The following FPR3 variants were observed in gnomAD, a reference collection of about 807,000 sequenced individuals.
FPR3 encodes N-formyl peptide receptor 3.
For missense variants in FPR3, 346 were observed against 443.2 expected (o/e 0.78, Z 1.97); for synonymous variants, 135 against 163.6 (o/e 0.83, Z 1.34).
chr19:51,818,249 T>C (rs79807415), intron 1 of FPR3, among the ~76,000 whole-genome samples: 4,331 of 152,312 alleles, frequency 0.028, 163 homozygotes, highest in African/African-American at 0.087. Flanking sequence ...TTTATTCTGA[T>C]TAAATGTTCC....
At chr19:51,797,501 T>C (rs547010253) in intron 1 of FPR3, among the ~76,000 whole-genome samples, 1 of 152,184 alleles carries the variant, frequency 6.6e-6, no homozygotes, top group South Asian at 2.1e-4. Context: ...AAAATGATCT[T>C]TTATCCCTCA....
At chr19:51,808,644 T>C (rs550414132) in intron 1 of FPR3, among the ~76,000 whole-genome samples, 2 of 152,144 alleles carry the variant, frequency 1.3e-5, no homozygotes, top group Non-Finnish European at 2.9e-5. Context: ...ATCCTTCTCG[T>C]GTAAGGGTGT....
intron 1 of FPR3, among the ~76,000 whole-genome samples, chr19:51,815,596 G>T (rs1048440124): frequency 4.6e-5 from 7 of 151,042 alleles, no homozygotes; most frequent in Admixed American, 1.3e-4. Flanking sequence ...CACCAGGCAC[G>T]GTGGCTCACA....
At chr19:51,818,299 A>AT (rs2084158961) in intron 1 of FPR3, among the ~76,000 whole-genome samples, 1 of 152,220 alleles carries the variant, frequency 6.6e-6, no homozygotes, top group African/African-American at 2.4e-5. Flanking sequence ...AAGAAAATAT[A>AT]TTATTGGTGT....
intron 1 of FPR3, among the ~76,000 whole-genome samples, chr19:51,819,555 C>T (rs2084172573): frequency 1.3e-5 from 2 of 152,062 alleles, no homozygotes; most frequent in African/African-American, 4.8e-5. Context: ...GTCACTGGAA[C>T]ATCAGGATAA....
chr19:51,817,931 A>G (rs548430213), intron 1 of FPR3: 4 of 152,242 alleles, frequency 2.6e-5, no homozygotes, highest in South Asian at 2.1e-4. Flanking sequence ...GCGATGAAGT[A>G]TCTACTTGCC....
intron 1 of FPR3, among the ~76,000 whole-genome samples, chr19:51,805,720 A>C (rs2084054266): frequency 6.6e-6 from 1 of 152,184 alleles, no homozygotes; most frequent in Non-Finnish European, 1.5e-5. Context: ...TTCTCTACGT[A>C]CTGAGCCGTT....
chr19:51,813,174 T>C (rs2084110393), intron 1 of FPR3, among the ~76,000 whole-genome samples: 2 of 150,466 alleles, frequency 1.3e-5, no homozygotes, highest in African/African-American at 2.4e-5. Flanking sequence ...CATAAATTTA[T>C]TGATCACAGT....
intron 1 of FPR3, among the ~76,000 whole-genome samples, chr19:51,798,792 A>G (rs2084013720): frequency 6.6e-6 from 1 of 152,212 alleles, no homozygotes; most frequent in Non-Finnish European, 1.5e-5. Flanking sequence ...ATTCTTAAAG[A>G]GGCTAAATAG....
chr19:51,796,176 T>A (rs2083997628), intron 1 of FPR3, among the ~76,000 whole-genome samples: 1 of 152,184 alleles, frequency 6.6e-6, no homozygotes, highest in Admixed American at 6.5e-5. Context: ...ATATTCAGGA[T>A]GAGCCAGGTG....
At chr19:51,816,758 C>T (rs2084140195) in intron 1 of FPR3, among the ~76,000 whole-genome samples, 1 of 152,064 alleles carries the variant, frequency 6.6e-6, no homozygotes, top group South Asian at 2.1e-4. Context: ...TTAACTTGTG[C>T]GATCTGATGC....
At chr19:51,796,440 C>T (rs1014318689) in intron 1 of FPR3, among the ~76,000 whole-genome samples, 7 of 152,192 alleles carry the variant, frequency 4.6e-5, no homozygotes, top group Non-Finnish European at 8.8e-5. Flanking sequence ...TTGCGAATAA[C>T]ATCACCATCT....
intron 1 of FPR3, among the ~76,000 whole-genome samples, chr19:51,821,328 T>C (rs745700280): frequency 3.9e-5 from 6 of 152,152 alleles, no homozygotes; most frequent in Admixed American, 2.6e-4. Context: ...GATGCTCAAC[T>C]GGGGGGAGTT....
chr19:51,795,504 C>CTTTTTTTTTTTTTTT lies in FPR3; in HGVS notation c.-11+188_-11+202dup. ...TTTGGTTACATGTTCCAGTAACATT[C>CTTTTTTTTTTTTTTT]TTTTTTTTTTTTTTTTTTTTTTTTT... On this transcript the variant is annotated intron_variant, in intron 1 of 1. Coordinates refer to ENST00000339223, the MANE Select transcript of FPR3 (RefSeq NM_002030.5). Among the ~76,000 whole-genome samples the CTTTTTTTTTTTTTTT allele has an allele frequency of 5.5e-3, 414 of 74,708 alleles. 63 individuals carry two copies. The highest frequency in any genetic ancestry group is 0.017 in the East Asian group (30 of 1,808). 49.0% of individuals were successfully genotyped at this position (74,708 alleles called of 152,430 possible).
At chr19:51,811,499 C>T (rs1450134999) in intron 1 of FPR3, 4 of 152,258 alleles carry the variant, frequency 2.6e-5, no homozygotes, top group Non-Finnish European at 5.9e-5. Context: ...GCTGACTCAT[C>T]CCAGGGTCCC....
intron 1 of FPR3, 68 bp downstream of exon 1, chr19:51,795,399 C>G (rs933190602): frequency 6.6e-6 from 1 of 150,852 alleles, no homozygotes; most frequent in Non-Finnish European, 1.5e-5. Context: ...GCCCTTCTAA[C>G]TCTGGAGTAG....
intron 1 of FPR3, among the ~76,000 whole-genome samples, chr19:51,799,012 CAGA>C (rs1442450261): frequency 1.3e-5 from 2 of 152,050 alleles, no homozygotes; most frequent in African/African-American, 4.8e-5. Flanking sequence ...GAGGCTGAGG[CAGA>C]AGAATTACTT....
In FPR3 at chr19:51,795,504, C is replaced by CCTTTTTTTTTTT. The variant is rs1568425575; in HGVS notation, c.-11+173_-11+174insCTTTTTTTTTTT. Among the ~76,000 whole-genome samples the CCTTTTTTTTTTT allele has an allele frequency of 2.7e-5, 2 of 74,732 alleles. 1 individual carries two copies. The allele number at this position is 74,732 out of a possible 152,430, so 49.0% of individuals were successfully genotyped here. On this transcript the variant is annotated intron_variant, in intron 1 of 1. Coordinates refer to ENST00000339223, the MANE Select transcript of FPR3 (RefSeq NM_002030.5). ...TTTGGTTACATGTTCCAGTAACATTCTTTTTTTTTTTTTTTTTTTTTTTTT... is the reference window on the plus strand; with the variant it reads ...TTTGGTTACATGTTCCAGTAACATTCCTTTTTTTTTTTTTTTTTTTTTTTTTTTTTTTTTTTT...
intron 1 of FPR3, among the ~76,000 whole-genome samples, 177 bp downstream of exon 1, chr19:51,795,508 T>C (rs888448127): frequency 0.14 from 12,737 of 89,700 alleles, 1,533 homozygotes; most frequent in East Asian, 0.26. Flanking sequence ...AACATTCTTT[T>C]TTTTTTTTTT....
Sources: gnomAD v4.1 joint callset for allele counts (sites outside exome capture counted in the v4.1 genomes callset) on GRCh38, gnomAD v4.1.1 for gene constraint, MANE v1.5 for transcripts, NCBI Gene and HGNC (gene_info 2026-07-23, HGNC 2026-07-21) for gene names.